Variants in ROBO2 observed in about 807,000 individuals in gnomAD.
ROBO2 encodes roundabout guidance receptor 2.
In ROBO2, 53 loss-of-function variants were observed where a neutral mutation model predicts 160.8. The ratio of observed to expected loss-of-function variants is 0.33; its 90% CI spans 0.26 to 0.41. ROBO2 has a LOEUF of 0.41. ROBO2 is among the 10% of genes least tolerant of loss of function. The probability of loss-of-function intolerance (pLI) is 1.00; values close to 1 mark genes in which losing one functional copy is unlikely to be tolerated. For synonymous variants in ROBO2, 664 were observed against 611.7 expected (o/e 1.09, Z -1.26); for missense variants, 1,577 against 1,722.4 (o/e 0.92, Z 1.49).
chr3:76,043,729 G>A (rs188052161), intron 2 of ROBO2, among the ~76,000 whole-genome samples: 1 of 147,802 alleles, frequency 6.8e-6, no homozygotes, highest in Admixed American at 6.7e-5. Flanking sequence ...TTTGGTTTAA[G>A]CCTTCCAGAA....
At chr3:76,504,366 A>G (rs988052971) in intron 2 of ROBO2, among the ~76,000 whole-genome samples, 10 of 152,196 alleles carry the variant, frequency 6.6e-5, no homozygotes, top group Non-Finnish European at 1.0e-4. Context: ...AGCAACGGCC[A>G]GCGCCTAATG....
chr3:76,259,753 A>G (rs1014504627), intron 2 of ROBO2, among the ~76,000 whole-genome samples: 1 of 152,100 alleles, frequency 6.6e-6, no homozygotes, highest in African/African-American at 2.4e-5. Flanking sequence ...ACTGTGCGCA[A>G]GGCATCCCCC....
intron 1 of ROBO2, among the ~76,000 whole-genome samples, chr3:77,082,811 A>T (rs1296638134): frequency 1.4e-5 from 2 of 146,930 alleles, no homozygotes; most frequent in East Asian, 4.0e-4. Flanking sequence ...CACTTAAAAC[A>T]TTTTTTTTTT....
chr3:76,787,196 A>C (rs2063038608), intron 2 of ROBO2, among the ~76,000 whole-genome samples: 1 of 151,314 alleles, frequency 6.6e-6, no homozygotes, highest in Admixed American at 6.6e-5. Context: ...TTGGGTGGGG[A>C]CACAGAGCCA....
At chr3:77,067,815 A>G (rs2067018103) in intron 1 of ROBO2, among the ~76,000 whole-genome samples, 1 of 152,134 alleles carries the variant, frequency 6.6e-6, no homozygotes, top group Non-Finnish European at 1.5e-5. Flanking sequence ...TGCGCCCTAT[A>G]TGTACTGTTT....
intron 22 of ROBO2, among the ~76,000 whole-genome samples, chr3:77,620,950 C>T (rs1457625250): frequency 6.6e-6 from 1 of 152,114 alleles, no homozygotes; most frequent in African/African-American, 2.4e-5. Flanking sequence ...ATGTAGTACA[C>T]TCACTTTTTA....
At chr3:77,161,565 T>C (rs902706656) in intron 2 of ROBO2, among the ~76,000 whole-genome samples, 1 of 152,230 alleles carries the variant, frequency 6.6e-6, no homozygotes, top group African/African-American at 2.4e-5. Context: ...AGTTGAACAT[T>C]ATTTAGATAG....
intron 2 of ROBO2, among the ~76,000 whole-genome samples, chr3:76,869,227 A>G (rs1182059992): frequency 6.6e-6 from 1 of 152,118 alleles, no homozygotes; most frequent in Non-Finnish European, 1.5e-5. Context: ...ACTACCTCTC[A>G]GTGCAGATGT....
chr3:77,324,980 T>C (rs2065232420), intron 2 of ROBO2, among the ~76,000 whole-genome samples: 2 of 152,088 alleles, frequency 1.3e-5, no homozygotes, highest in Admixed American at 1.3e-4. Context: ...TAGGAATGAA[T>C]AATAACAGGA....
At chr3:77,574,501 T>C (rs1010509981) in exon 14 of ROBO2, 2 of 1,613,098 alleles carry the variant, frequency 1.2e-6, no homozygotes, top group Non-Finnish European at 1.7e-6. Context: ...TTTTTCAGGT[T>C]GATCGCCAAC....
chr3:77,190,422 C>G (rs1467194119), intron 2 of ROBO2, among the ~76,000 whole-genome samples: 1 of 151,960 alleles, frequency 6.6e-6, no homozygotes, highest in African/African-American at 2.4e-5. Flanking sequence ...ACGATATTGT[C>G]TGAGTGCTCT....
chr3:76,231,036 G>A (rs1049885118), intron 2 of ROBO2, among the ~76,000 whole-genome samples: 2 of 152,016 alleles, frequency 1.3e-5, no homozygotes, highest in African/African-American at 4.8e-5. Flanking sequence ...CAGAGCCCGC[G>A]GAAAGAATCA....
chr3:75,975,519 T>C (rs574399522), intron 2 of ROBO2, among the ~76,000 whole-genome samples: 233 of 151,624 alleles, frequency 1.5e-3, no homozygotes, highest in African/African-American at 5.4e-3. Context: ...AAATGATTTT[T>C]ATTAGCATTT....
At chr3:77,125,510 G>A (rs1481962082) in intron 2 of ROBO2, among the ~76,000 whole-genome samples, 1 of 152,080 alleles carries the variant, frequency 6.6e-6, no homozygotes, top group Non-Finnish European at 1.5e-5. Flanking sequence ...TCACTGATAG[G>A]CACACAATAT....
intron 2 of ROBO2, among the ~76,000 whole-genome samples, chr3:77,418,253 G>A (rs2077423768): frequency 6.6e-6 from 1 of 152,058 alleles, no homozygotes; most frequent in African/African-American, 2.4e-5. Flanking sequence ...CTTTGCTTGA[G>A]CAAAAGTTTT....
chr3:76,275,170 A>T (rs897756668), intron 2 of ROBO2, among the ~76,000 whole-genome samples: 1 of 152,188 alleles, frequency 6.6e-6, no homozygotes, highest in East Asian at 1.9e-4. Flanking sequence ...CTTATATTCA[A>T]TAATATCAGG....
chr3:76,622,260 A>AAGAAAGAAAG (rs2089237265), intron 2 of ROBO2, among the ~76,000 whole-genome samples: 1 of 71,262 alleles, frequency 1.4e-5, no homozygotes, highest in Non-Finnish European at 2.9e-5. Context: ...GAAAGAAAGA[A>AAGAAAGAAAG]AGAAAGAAAG....
chr3:76,978,062 C>G (rs2059897596), intron 2 of ROBO2, among the ~76,000 whole-genome samples: 1 of 152,152 alleles, frequency 6.6e-6, no homozygotes, highest in Non-Finnish European at 1.5e-5. Flanking sequence ...CCTTGCAAGT[C>G]TGCATTATAT....
intron 2 of ROBO2, among the ~76,000 whole-genome samples, chr3:76,866,306 A>G (rs1190287269): frequency 2.6e-5 from 4 of 152,186 alleles, no homozygotes; most frequent in Non-Finnish European, 5.9e-5. Flanking sequence ...TAAGGTAAAC[A>G]TAATCTTTGG....
Sources: gnomAD v4.1 joint callset for allele counts (sites outside exome capture counted in the v4.1 genomes callset) on GRCh38, gnomAD v4.1.1 for gene constraint, MANE v1.5 for transcripts, NCBI Gene and HGNC (gene_info 2026-07-23, HGNC 2026-07-21) for gene names.